SRC: variants seen among roughly 807,000 people sequenced by gnomAD.
SRC encodes the protein proto-oncogene tyrosine-protein kinase Src.
SRC carries 13 observed loss-of-function variants against 62.9 expected under a neutral mutation model. The ratio of observed to expected loss-of-function variants is 0.21; its 90% CI spans 0.13 to 0.33. The LOEUF (loss-of-function observed/expected upper bound fraction) is 0.33, where lower values mean the gene tolerates loss of function less well. Ranked by LOEUF, SRC falls within the 10% of genes least tolerant of loss-of-function variation. SRC has a pLI of 1.00. For synonymous variants in SRC, 302 were observed against 317.5 expected, an observed-to-expected ratio of 0.95 and a Z score of 0.52; for missense variants, 457 against 737.3, an observed-to-expected ratio of 0.62 and a Z score of 4.40.
chr20:37,384,298 G>T lies in SRC; in HGVS notation c.145G>T (p.Gly49Cys). 1 of 1,485,282 alleles carries T rather than the reference G, an allele frequency of 6.7e-7. No individual in the cohort carries two copies. The allele number at this position is 1,485,282 out of a possible 1,614,324, so 92.0% of individuals were successfully genotyped here. A position where few individuals can be genotyped will look rare whatever the true frequency, so the allele number is the denominator to read the frequency against. Residue 49 changes from glycine (G) to cysteine (C), a missense_variant, in exon 4 of 14, where the codon GGC becomes TGC. By Grantham distance (159) the Gly-to-Cys change is radical. Around this residue, in one of 4 missense-constraint regions of SRC, gnomAD observed 132 missense variants for 135.4 expected, o/e 0.98. Transcript: ENST00000373578. This position sits in a 1 kb window ranked among gnomAD's most constrained non-coding sequence, Gnocchi z 6.7. ...SKPASADGHR[G>C]PSAAFAPAAA... The stretch of plus-strand genomic sequence containing the variant: ...GCCAGCCTCGGCCGACGGCCACCGC[G>T]GCCCCAGCGCGGCCTTCGCCCCCGC...
In SRC at chr20:37,347,979, G is replaced by A. The variant is rs538742967; in HGVS notation, c.-247+1724G>A. The stretch of plus-strand genomic sequence containing the variant: ...TGAGGGATTGAATGAAAGCCACGAG[G>A]CCTTTTTGGTGATGTGGTGATGTGG... On this transcript the variant is annotated intron_variant, in intron 1 of 13. Transcript: ENST00000373578. Among the ~76,000 whole-genome samples the A allele has an allele frequency of 2.4e-4, 37 of 152,316 alleles. No homozygotes were observed. In the East Asian group the frequency reaches 2.5e-3, roughly 10 times the overall value.
rs931691517 is a variant in SRC at position 37,398,136 on chromosome 20, G to A, written c.859+282G>A. On this transcript the variant is annotated intron_variant, in intron 9 of 13. Coordinates refer to ENST00000373578, the MANE Select transcript of SRC (RefSeq NM_198291.3). The surrounding 1 kb of genome is among the most constrained non-coding windows in gnomAD (Gnocchi z 5.2). ...GCTGGGCCCGGTGGCCTCACTCAGA[G>A]CCTCAGTCTTCCCGACTGTGAATGG... is the stretch of plus-strand genomic sequence containing the variant. Among the ~76,000 whole-genome samples, 4 of 152,100 alleles carry A rather than the reference G, an allele frequency of 2.6e-5. No homozygotes were observed. The highest frequency in any genetic ancestry group is 9.7e-5 in the African/African-American group (4 of 41,398).
chr20:37,387,461 G>A (rs1016492043), intron 5 of SRC, among the ~76,000 whole-genome samples: 2 of 149,386 alleles, frequency 1.3e-5, no homozygotes, highest in Non-Finnish European at 3.0e-5. Flanking sequence ...CGATGTGAAG[G>A]CCCTTGTCCA....
intron 1 of SRC, among the ~76,000 whole-genome samples, chr20:37,362,439 C>T (rs2069989265): frequency 6.6e-6 from 1 of 152,168 alleles, no homozygotes; most frequent in African/African-American, 2.4e-5. Context: ...AAGGTTCTGT[C>T]TCCTCTTCCA....
intron 2 of SRC, among the ~76,000 whole-genome samples, chr20:37,375,638 G>A (rs1248262683): frequency 6.6e-6 from 1 of 152,106 alleles, no homozygotes; most frequent in East Asian, 1.9e-4. Context: ...GCCTCCCAAA[G>A]TGCTGGGATT....
chr20:37,393,248 A>C (rs2070582604), intron 5 of SRC, among the ~76,000 whole-genome samples: 1 of 152,172 alleles, frequency 6.6e-6, no homozygotes. Flanking sequence ...GGTAGGCTGG[A>C]GGAGGAGGCC....
At chr20:37,392,072 C>CA (rs1405790622) in intron 5 of SRC, among the ~76,000 whole-genome samples, 3 of 151,824 alleles carry the variant, frequency 2.0e-5, no homozygotes, top group Non-Finnish European at 4.4e-5. Context: ...TTGGGGCATC[C>CA]AAAGGCTTCT....
chr20:37,404,162 C>T lies in SRC; in HGVS notation c.*783C>T, dbSNP rs1030473364. On this transcript the variant is annotated 3_prime_UTR_variant, in exon 14 of 14. Coordinates refer to ENST00000373578, the MANE Select transcript of SRC (RefSeq NM_198291.3). Reference sequence around the variant, plus strand: ...TCATCCTCAGGAACCAACAATTCGTCGGAGGCATCATGGAAAGACTGGGAC... The same window carrying T: ...TCATCCTCAGGAACCAACAATTCGTTGGAGGCATCATGGAAAGACTGGGAC... The T allele has an allele frequency of 3.0e-5, 7 of 233,718 alleles. No homozygotes were observed. The highest frequency in any genetic ancestry group is 6.6e-5 in the African/African-American group (3 of 45,438). The allele number at this position is 233,718 out of a possible 1,614,324, so 14.5% of individuals were successfully genotyped here.
Position 37,396,325 on chromosome 20 carries a change from G to A in SRC, c.703+14G>A, listed in dbSNP as rs2070650057. The A allele has an allele frequency of 3.7e-6, 6 of 1,611,794 alleles. No individual in the cohort carries two copies. The highest frequency in any genetic ancestry group is 3.4e-6 in the Non-Finnish European group (4 of 1,179,752). The stretch of plus-strand genomic sequence containing the variant: ...CCTACTACTCCAGTGAGCCAGCCTC[G>A]GAGGGCGGAGGGCGGGCGGGCAAAG... On this transcript the variant is annotated intron_variant, in intron 8 of 13. Coordinates refer to ENST00000373578, the MANE Select transcript of SRC (RefSeq NM_198291.3). This position sits in a 1 kb window ranked among gnomAD's most constrained non-coding sequence, Gnocchi z 6.1.
At chr20:37,393,049 C>A (rs1280014280) in intron 5 of SRC, among the ~76,000 whole-genome samples, 2 of 152,210 alleles carry the variant, frequency 1.3e-5, no homozygotes, top group Non-Finnish European at 2.9e-5. Context: ...CGCCCAGGCC[C>A]AGGGGACCCG....
At chr20:37,380,857 T>C (rs888305424) in intron 2 of SRC, among the ~76,000 whole-genome samples, 1 of 152,056 alleles carries the variant, frequency 6.6e-6, no homozygotes, top group African/African-American at 2.4e-5. Flanking sequence ...TCTTTTATTT[T>C]TTCTTTTCTT....
Position 37,397,248 on chromosome 20 carries a change from T to A in SRC, c.704-451T>A, listed in dbSNP as rs1477059152. On this transcript the variant is annotated intron_variant, in intron 8 of 13. Transcript: ENST00000373578. This position sits in a 1 kb window ranked among gnomAD's most constrained non-coding sequence, Gnocchi z 4.1. ...TGCCCCTGCCTGGAGGGCTCTTCCC[T>A]ACTTAACCCCTCACCGTCCTGCACA... 1.3e-5 allele frequency among the ~76,000 whole-genome samples: 2 copies of A among 152,128 alleles called. No individual in the cohort carries two copies. The highest frequency in any genetic ancestry group is 4.8e-5 in the African/African-American group (2 of 41,434).
intron 5 of SRC, among the ~76,000 whole-genome samples, chr20:37,387,480 C>CA (rs2070475153): frequency 6.6e-6 from 1 of 150,426 alleles, no homozygotes; most frequent in Admixed American, 6.7e-5. Context: ...CAAGGTCACA[C>CA]AGCTGCCAAG....
intron 1 of SRC, among the ~76,000 whole-genome samples, chr20:37,347,122 T>G (rs2069733922): frequency 6.6e-6 from 1 of 152,258 alleles, no homozygotes; most frequent in Admixed American, 6.5e-5. Flanking sequence ...TTTCAGCCCC[T>G]GCGTCCTTCA....
chr20:37,362,500 C>T (rs2069990117), intron 1 of SRC, among the ~76,000 whole-genome samples: 1 of 152,106 alleles, frequency 6.6e-6, no homozygotes, highest in Non-Finnish European at 1.5e-5. Context: ...GAATCTTATC[C>T]TCAGTGCCAT....
rs773593466 is a variant in SRC, at chr20:37,384,673, A to AG, written c.250+270_250+271insG. 1 allele frequency among the ~76,000 whole-genome samples: 151,864 copies of AG among 151,892 alleles called. 75,918 individuals carry two copies. The highest frequency in any genetic ancestry group is 1 in the Middle Eastern group (288 of 288). ...TAATTGGACGCTTAAGCCCAAGAAG[A>AG]AGAAGGGCGGCGCGGGACCGGGCCT... On this transcript the variant is annotated intron_variant, in intron 4 of 13. Transcript: ENST00000373578. This position sits in a 1 kb window ranked among gnomAD's most constrained non-coding sequence, Gnocchi z 6.7.
At chr20:37,388,160 G>T (rs1232360497) in intron 5 of SRC, among the ~76,000 whole-genome samples, 1 of 152,246 alleles carries the variant, frequency 6.6e-6, no homozygotes, top group Non-Finnish European at 1.5e-5. Flanking sequence ...GACAGCTGGG[G>T]CAGAGCTGTG....
At chr20:37,370,046 C>T (rs1029713102) in intron 2 of SRC, among the ~76,000 whole-genome samples, 3 of 152,140 alleles carry the variant, frequency 2.0e-5, no homozygotes, top group Non-Finnish European at 4.4e-5. Context: ...GTGATCCACC[C>T]GGCTCGGCCT....
At chr20:37,385,116 G>C (rs1008129662) in intron 4 of SRC, among the ~76,000 whole-genome samples, 3 of 152,138 alleles carry the variant, frequency 2.0e-5, no homozygotes, top group African/African-American at 7.2e-5. Flanking sequence ...ATGCACAGGT[G>C]ACCTCACACT....
Sources: allele counts gnomAD v4.1 joint callset (sites outside exome capture counted in the v4.1 genomes callset), GRCh38; gene constraint gnomAD v4.1.1; regional missense constraint gnomAD v4.1.1; non-coding constraint Gnocchi (gnomAD v3.1); transcripts MANE v1.5; gene names NCBI Gene and HGNC (gene_info 2026-07-23, HGNC 2026-07-21).